The following LFNG variants were observed in gnomAD, a reference collection of about 807,000 sequenced individuals.
LFNG encodes beta-1,3-N-acetylglucosaminyltransferase lunatic fringe.
In LFNG, 15 loss-of-function variants were observed where a neutral mutation model predicts 32.7. That is an observed-to-expected ratio of 0.46 (90% confidence interval 0.31 to 0.71). LFNG has a LOEUF of 0.71. LFNG is among the 30% of genes least tolerant of loss of function. The pLI is 0.06. For synonymous variants in LFNG, 274 were observed against 246.8 expected, an observed-to-expected ratio of 1.11 and a Z score of -1.03; for missense variants, 520 against 545.7, an observed-to-expected ratio of 0.95 and a Z score of 0.47.
Position 2,524,815 on chromosome 7 carries a change from C to G in LFNG, c.481+72C>G, listed in dbSNP as rs1779904012. The G allele has an allele frequency of 1.7e-5, 24 of 1,402,730 alleles. No homozygotes were observed. The South Asian group carries it at 2.8e-4, about 17-fold the overall frequency. The allele number at this position is 1,402,730 out of a possible 1,614,324, so 86.9% of individuals were successfully genotyped here. A position where few individuals can be genotyped will look rare whatever the true frequency, so the allele number is the denominator to read the frequency against. ...AGCCGAACGCTCCCCCTCCAGTCTCCCTGCCCCTCTGGGCCGAGAGGTCAC... is the reference window on the plus strand; with the variant it reads ...AGCCGAACGCTCCCCCTCCAGTCTCGCTGCCCCTCTGGGCCGAGAGGTCAC... On this transcript the variant is annotated intron_variant, in intron 2 of 7. Coordinates refer to ENST00000222725, the MANE Select transcript of LFNG (RefSeq NM_001040167.2).
At position 2,525,566 on chromosome 7, in the gene LFNG, T is replaced by G; in HGVS notation, c.734T>G (p.Val245Gly). The change falls in exon 4 of 8, where the codon GTG (valine) becomes GGG (glycine). Residue 245 changes from valine (V) to glycine (G), a missense_variant and splice_region_variant. By Grantham distance (109) the Val-to-Gly change is moderately radical. Transcript: ENST00000222725. ...QAMERVSENK[V>G]RPVHFWFATG... ...ATGGAGCGGGTCAGCGAGAACAAGG[T>G]GGTGAGTGCCTGCCCCTCCCAGTCC... is the stretch of plus-strand genomic sequence containing the variant. 6.2e-7 allele frequency: 1 copy of G among 1,612,212 alleles called. No individual in the cohort carries two copies. The highest frequency in any genetic ancestry group is 2.2e-5 in the East Asian group (1 of 44,856).
At position 2,527,161 on chromosome 7, in the gene LFNG, C is replaced by T; in HGVS notation, c.1089C>T (p.His363=). 6.2e-7 allele frequency: 1 copy of T among 1,613,000 alleles called. No homozygotes were observed. Among genetic ancestry groups the T allele is most frequent in the Non-Finnish European group, 8.5e-7 (1 of 1,179,954 alleles). ...EADPSRFRSI[H]CHLYPDTPWC... is the part of the protein sequence containing the mutation. The stretch of plus-strand genomic sequence containing the variant: ...GTTCCCACAGGTTCCGCTCCATCCA[C>T]TGCCACCTGTACCCGGACACACCCT... Residue 363 remains histidine, a synonymous_variant, in exon 8 of 8, where the codon CAC becomes CAT. Transcript: ENST00000222725. This position sits in a 1 kb window ranked among gnomAD's most constrained non-coding sequence, Gnocchi z 4.4.
Position 2,527,570 on chromosome 7 carries a change from C to A in LFNG, c.*358C>A. On this transcript the variant is annotated 3_prime_UTR_variant, in exon 8 of 8. Transcript: ENST00000222725. This position sits in a 1 kb window ranked among gnomAD's most constrained non-coding sequence, Gnocchi z 4.4. Reference sequence around the variant, plus strand: ...GGCTCCGGGCTACTTTGCAGGGATGCGATGCGTAGGTGCCTTTCTCTTCCT... The same window carrying A: ...GGCTCCGGGCTACTTTGCAGGGATGAGATGCGTAGGTGCCTTTCTCTTCCT... 1 of 1,225,650 alleles carries A rather than the reference C, an allele frequency of 8.2e-7. No individual in the cohort carries two copies. Among genetic ancestry groups the A allele is most frequent in the South Asian group, 1.6e-5 (1 of 62,402 alleles). 75.9% of individuals were successfully genotyped at this position (1,225,650 alleles called of 1,614,324 possible). A position where few individuals can be genotyped will look rare whatever the true frequency, so the allele number is the denominator to read the frequency against.
chr7:2,512,692 A>G (rs1219423116), exon 1 of LFNG: 6 of 1,613,736 alleles, frequency 3.7e-6, no homozygotes, highest in South Asian at 1.1e-5. Context: ...CTGGACACGT[A>G]TTGTATGAGG....
In LFNG at chr7:2,519,844, C is replaced by G; in HGVS notation, c.-18C>G. 1 of 1,078,954 alleles carries G rather than the reference C, an allele frequency of 9.3e-7. No homozygotes were observed. Among genetic ancestry groups the G allele is most frequent in the East Asian group, 6.0e-5 (1 of 16,788 alleles). 66.8% of individuals were successfully genotyped at this position (1,078,954 alleles called of 1,614,324 possible). ...CAGGCGCACGGGGAAGGGCGCGCCG[C>G]GCGGCCGCCACCCCACCATGCTCAA... On this transcript the variant is annotated 5_prime_UTR_variant, in exon 1 of 8. Transcript: ENST00000222725.
At position 2,527,501 on chromosome 7, in the gene LFNG, G is replaced by A. The variant is rs1026366526; in HGVS notation, c.*289G>A. On this transcript the variant is annotated 3_prime_UTR_variant, in exon 8 of 8. Coordinates refer to ENST00000222725, the MANE Select transcript of LFNG (RefSeq NM_001040167.2). This position sits in a 1 kb window ranked among gnomAD's most constrained non-coding sequence, Gnocchi z 4.4. ...GGATTTGTGTGTCGGAGGCCACTCC[G>A]AGGGCAATTCTGTTAGGATTTTTGG... 44 of 1,366,518 alleles carry A rather than the reference G, an allele frequency of 3.2e-5. No homozygotes were observed. Among genetic ancestry groups the A allele is most frequent in the Non-Finnish European group, 4.0e-5 (42 of 1,054,916 alleles). The allele number at this position is 1,366,518 out of a possible 1,614,324, so 84.6% of individuals were successfully genotyped here.
chr7:2,525,543 G>C lies in LFNG; in HGVS notation c.711G>C (p.Met237Ile), dbSNP rs1045454569. The C allele has an allele frequency of 1.9e-6, 3 of 1,612,494 alleles. No individual in the cohort carries two copies. The highest frequency in any genetic ancestry group is 1.7e-5 in the Admixed American group (1 of 59,978). Residue 237 changes from methionine (M) to isoleucine (I), a missense_variant, in exon 4 of 8, where the codon ATG (methionine) becomes ATC (isoleucine). Physicochemically the swap from Met to Ile is conservative, Grantham distance 10. Transcript: ENST00000222725. ...KPSLDRPIQA[M>I]ERVSENKVRP... is the part of the protein sequence containing the mutation. ...GCCTGGACAGGCCCATCCAGGCCATGGAGCGGGTCAGCGAGAACAAGGTGG... is the reference window on the plus strand; with the variant it reads ...GCCTGGACAGGCCCATCCAGGCCATCGAGCGGGTCAGCGAGAACAAGGTGG...
upstream of LFNG, chr7:2,518,641 C>T (rs1405300338): frequency 3.2e-5 from 52 of 1,604,406 alleles, no homozygotes; most frequent in Non-Finnish European, 4.3e-5. Flanking sequence ...ATTTAAAATG[C>T]CATCTCAGGC....
At chr7:2,524,798 G>A (rs1779903302) in intron 2 of LFNG, 55 bp downstream of exon 2, 5 of 1,480,468 alleles carry the variant, frequency 3.4e-6, no homozygotes, top group South Asian at 1.2e-5. Flanking sequence ...AGAGCCGAAC[G>A]CTCCCCCTCC....
upstream of LFNG, among the ~76,000 whole-genome samples, chr7:2,514,984 ATCCGTCCGTCCATCCATCTG>A: frequency 5.3e-5 from 8 of 150,800 alleles, no homozygotes; most frequent in Admixed American, 4.6e-4. Flanking sequence ...CCATCCATCC[ATCCGTCCGTCCATCCATCTG>A]TCCATTCATC....
rs1780040734 is a variant in LFNG at position 2,527,860 on chromosome 7, TG to T, written c.*652del. On this transcript the variant is annotated 3_prime_UTR_variant, in exon 8 of 8. Transcript: ENST00000222725. The surrounding 1 kb of genome is among the most constrained non-coding windows in gnomAD (Gnocchi z 4.4). The stretch of plus-strand genomic sequence containing the variant: ...TGGCACCCCTCCCAGCTCTTCTGAG[TG>T]GGGAGTCTTCCAGGCCTCCTCAGAG... The T allele has an allele frequency of 1.0e-6, 1 of 997,662 alleles. No homozygotes were observed. Among genetic ancestry groups the T allele is most frequent in the South Asian group, 4.3e-5 (1 of 23,296 alleles). The allele number at this position is 997,662 out of a possible 1,614,324, so 61.8% of individuals were successfully genotyped here.
upstream of LFNG, chr7:2,517,752 C>T (rs74504413): frequency 2.6e-4 from 168 of 646,046 alleles, no homozygotes; most frequent in Non-Finnish European, 4.0e-4. Flanking sequence ...CTTGGCCATG[C>T]TTGGCTGCAG....
chr7:2,517,596 G>C (rs1417611843), upstream of LFNG: 5 of 437,632 alleles, frequency 1.1e-5, 1 homozygote, highest in African/African-American at 1.0e-4. Flanking sequence ...CTCAGGGCAG[G>C]AAGCCCCATC....
Position 2,520,684 on chromosome 7 carries a change from C to G in LFNG, c.432+391C>G, listed in dbSNP as rs74776882. On this transcript the variant is annotated intron_variant, in intron 1 of 7. Coordinates refer to ENST00000222725, the MANE Select transcript of LFNG (RefSeq NM_001040167.2). The surrounding 1 kb of genome is among the most constrained non-coding windows in gnomAD (Gnocchi z 5.0). ...GACCCACCCTCAGCTCAGACCCCTT[C>G]CTGGGGAGAAAGGCTCTTCCTTTAG... Among the ~76,000 whole-genome samples, 489 of 152,388 alleles carry G rather than the reference C, an allele frequency of 3.2e-3. No homozygotes were observed. Among genetic ancestry groups the G allele is most frequent in the Admixed American group, 4.9e-3 (75 of 15,306 alleles).
At chr7:2,518,708 G>A, upstream of LFNG, 2 of 1,476,880 alleles carry the variant, frequency 1.4e-6, no homozygotes, top group Non-Finnish European at 9.1e-7. Flanking sequence ...GGTGGTCGTG[G>A]TGGTCGCAGA....
At position 2,525,243 on chromosome 7, in the gene LFNG, C is replaced by T. The variant is rs371707730; in HGVS notation, c.506C>T (p.Ser169Leu). 42 of 1,612,772 alleles carry T rather than the reference C, an allele frequency of 2.6e-5. No homozygotes were observed. The highest frequency in any genetic ancestry group is 6.7e-5 in the East Asian group (3 of 44,888). Residue 169 changes from serine (S) to leucine (L), a missense_variant, in exon 3 of 8, where the codon TCG (serine) becomes TTG (leucine). By Grantham distance (145) the Ser-to-Leu change is moderately radical. Around this residue, in one of 3 missense-constraint regions of LFNG, gnomAD observed 360 missense variants for 354.7 expected, o/e 1.01. Transcript: ENST00000222725. ...HTGNVVITNC[S>L]AAHSRQALSC... is the part of the protein sequence containing the mutation. ...GGCAACGTGGTCATCACAAACTGCT[C>T]GGCCGCCCACAGCCGCCAGGCGCTG...
At chr7:2,518,524 A>G (rs772432612), upstream of LFNG, 12 of 1,104,632 alleles carry the variant, frequency 1.1e-5, no homozygotes, top group African/African-American at 9.2e-5. Context: ...CAGAGCACCT[A>G]CTATGTCCCA....
chr7:2,513,251 G>GGACA, upstream of LFNG: 2 of 1,457,152 alleles, frequency 1.4e-6, no homozygotes, highest in Middle Eastern at 1.9e-4. Context: ...ATGGACAGAT[G>GGACA]GATGGATGGA....
chr7:2,518,109 G>A (rs1392479236), upstream of LFNG, among the ~76,000 whole-genome samples: 1 of 152,188 alleles, frequency 6.6e-6, no homozygotes, highest in Non-Finnish European at 1.5e-5. Context: ...CCTCAGTCCG[G>A]AGGCTGGGGC....
Sources: gnomAD v4.1 joint callset for allele counts (sites outside exome capture counted in the v4.1 genomes callset) on GRCh38, gnomAD v4.1.1 for gene constraint, gnomAD v4.1.1 regional missense constraint, Gnocchi (gnomAD v3.1) non-coding constraint, MANE v1.5 for transcripts, NCBI Gene and HGNC (gene_info 2026-07-23, HGNC 2026-07-21) for gene names.